Variants in APOL3 observed in about 807,000 individuals in gnomAD.
APOL3 encodes apolipoprotein L3.
In APOL3, 14 loss-of-function variants were observed where a neutral mutation model predicts 11.6. The ratio of observed to expected loss-of-function variants is 1.21; its 90% CI spans 0.80 to 1.89. The LOEUF (loss-of-function observed/expected upper bound fraction) is 1.89, where lower values mean the gene tolerates loss of function less well. APOL3 is among the 40% of genes most tolerant of loss of function. The pLI, the probability that APOL3 is intolerant of heterozygous loss-of-function variation, is 0.00. For missense variants in APOL3, 483 were observed against 492.1 expected, an observed-to-expected ratio of 0.98 and a Z score of 0.17; for synonymous variants, 192 against 190.6, an observed-to-expected ratio of 1.01 and a Z score of -0.06.
At chr22:36,145,308 G>A (rs1396808575) in intron 2 of APOL3, among the ~76,000 whole-genome samples, 165 bp downstream of exon 3, 6 of 152,148 alleles carry the variant, frequency 3.9e-5, no homozygotes, top group Non-Finnish European at 7.3e-5. Context: ...CACTGCCAGC[G>A]AAGGACTTGG....
At chr22:36,154,838 T>C (rs2012479750) in intron 1 of APOL3, among the ~76,000 whole-genome samples, 1 of 152,172 alleles carries the variant, frequency 6.6e-6, no homozygotes, top group Admixed American at 6.5e-5. Context: ...TCTAACCTCT[T>C]CCTGGTCTCC....
intron 1 of APOL3, chr22:36,149,438 G>C: frequency 7.9e-7 from 1 of 1,262,818 alleles, no homozygotes; most frequent in Non-Finnish European, 1.1e-6. Flanking sequence ...AGAAACTACA[G>C]AGTCTATACA....
intron 1 of APOL3, among the ~76,000 whole-genome samples, chr22:36,151,343 C>G (rs150708099): frequency 2.0e-3 from 298 of 152,028 alleles, no homozygotes; most frequent in African/African-American, 6.6e-3. Context: ...AAAAATGAGT[C>G]CAGAAGAAAT....
At chr22:36,151,134 T>C (rs1003718874) in intron 1 of APOL3, among the ~76,000 whole-genome samples, 1 of 152,054 alleles carries the variant, frequency 6.6e-6, no homozygotes, top group Non-Finnish European at 1.5e-5. Context: ...TCTACACCAA[T>C]GGAAAAAATT....
At chr22:36,160,615 T>C (rs746219626) in intron 1 of APOL3, 54 bp downstream of exon 1, 35 of 1,578,280 alleles carry the variant, frequency 2.2e-5, no homozygotes, top group South Asian at 1.4e-4. Context: ...CCTTCTCTTA[T>C]AGAGCTGCTG....
chr22:36,157,545 C>A (rs1472266365), intron 1 of APOL3, among the ~76,000 whole-genome samples: 1 of 152,106 alleles, frequency 6.6e-6, no homozygotes, highest in East Asian at 1.9e-4. Context: ...GTTGGGAAGA[C>A]CTTTCGAATC....
chr22:36,149,068 C>G, intron 1 of APOL3: 1 of 1,368,452 alleles, frequency 7.3e-7, no homozygotes, highest in Non-Finnish European at 9.8e-7. Context: ...TGCCAGCAGC[C>G]AGGTCACTGA....
chr22:36,141,866 G>A, exon 3 of APOL3: 1 of 1,614,232 alleles, frequency 6.2e-7, no homozygotes, highest in African/African-American at 1.3e-5. Context: ...TGCAGCCTCT[G>A]TGGACCTCTT....
At chr22:36,149,239 CA>C in intron 1 of APOL3, 97 bp from the exon 2 acceptor site, 1 of 1,305,874 alleles carries the variant, frequency 7.7e-7, no homozygotes, top group Non-Finnish European at 1.0e-6. Flanking sequence ...CTTTGCGTGT[CA>C]GCAAATGCCA....
At chr22:36,150,054 C>T in intron 1 of APOL3, 1 of 380,132 alleles carries the variant, frequency 2.6e-6, no homozygotes, top group Non-Finnish European at 5.2e-6. Context: ...TCAAGCAATC[C>T]TCCTGCCTGA....
exon 3 of APOL3, chr22:36,141,102 A>G: frequency 6.6e-7 from 1 of 1,516,898 alleles, no homozygotes; most frequent in Non-Finnish European, 8.8e-7. Flanking sequence ...CAGCTCCATA[A>G]ACTTTACCTT....
chr22:36,160,646 A>G, intron 1 of APOL3, 23 bp downstream of exon 1: 1 of 1,608,486 alleles, frequency 6.2e-7, no homozygotes, highest in Non-Finnish European at 8.5e-7. Flanking sequence ...GAGATGGGGA[A>G]GGTCAGACCA....
chr22:36,165,254 C>G (rs2013831026), upstream of APOL3: 2 of 151,646 alleles, frequency 1.3e-5, no homozygotes, highest in Admixed American at 6.6e-5. Context: ...AATTACTCAA[C>G]AAATTATTAA....
exon 1 of APOL3, chr22:36,166,023 A>G (rs1280855720): frequency 6.6e-6 from 1 of 152,204 alleles, no homozygotes; most frequent in Non-Finnish European, 1.5e-5. Context: ...TGTGGCCAGC[A>G]CATCCCAAAG....
chr22:36,142,269 T>C (rs1221274331), intron 2 of APOL3, among the ~76,000 whole-genome samples: 3 of 152,228 alleles, frequency 2.0e-5, no homozygotes, highest in Non-Finnish European at 2.9e-5. Context: ...TTATTCTGTA[T>C]GGGAATAAAA....
At chr22:36,156,468 A>G (rs1053590504) in intron 1 of APOL3, among the ~76,000 whole-genome samples, 3 of 152,018 alleles carry the variant, frequency 2.0e-5, no homozygotes, top group Admixed American at 1.3e-4. Context: ...ACGGGCTCCT[A>G]CTTTCCTCAC....
At chr22:36,162,332 G>A (rs1260180194), upstream of APOL3, among the ~76,000 whole-genome samples, 6 of 152,146 alleles carry the variant, frequency 3.9e-5, no homozygotes, top group Admixed American at 3.9e-4. Flanking sequence ...ATTCCCTAAA[G>A]GGGCACATGC....
In APOL3 at chr22:36,141,383, C is replaced by T. The variant is rs141045937; in HGVS notation, c.1026G>A (p.Ala342=). The T allele has an allele frequency of 1.1e-4, 183 of 1,614,112 alleles. 1 individual carries two copies. The African/African-American group carries it at 1.9e-3, about 17-fold the overall frequency. ...GTGCAAGGAAGATGCCTGAAGTGGT[C>T]GCACTCAGGATCCGGGCTCCTCTGC... Residue 342 remains alanine, a synonymous_variant, in exon 3 of 3, where the codon GCG becomes GCA. Coordinates refer to ENST00000349314, the Ensembl canonical transcript of APOL3.
At chr22:36,153,228 A>G (rs1485512565) in intron 1 of APOL3, 1 of 328,088 alleles carries the variant, frequency 3.0e-6, no homozygotes, top group Non-Finnish European at 6.2e-6. Flanking sequence ...TTATTAATTG[A>G]TTTTTTTAAA....
Sources: allele counts gnomAD v4.1 joint callset (sites outside exome capture counted in the v4.1 genomes callset), GRCh38; gene constraint gnomAD v4.1.1; transcripts MANE v1.5; gene names NCBI Gene and HGNC (gene_info 2026-07-23, HGNC 2026-07-21).